Variants in SLC4A4 observed in about 807,000 individuals in gnomAD.
SLC4A4 encodes the protein electrogenic sodium bicarbonate cotransporter 1.
Under a neutral mutation model 111.5 loss-of-function variants are expected in SLC4A4, and 27 were observed. The observed-to-expected ratio is 0.24, with a 90% CI of 0.18 to 0.33. The LOEUF is 0.33. Ranked by LOEUF, SLC4A4 falls within the 10% of genes least tolerant of loss-of-function variation. The probability of loss-of-function intolerance (pLI) is 1.00; values close to 1 mark genes in which losing one functional copy is unlikely to be tolerated. For missense variants in SLC4A4, 909 were observed against 1,315.5 expected (o/e 0.69, Z 4.78); for synonymous variants, 443 against 463.4 (o/e 0.96, Z 0.57).
intron 1 of SLC4A4, among the ~76,000 whole-genome samples, chr4:71,088,692 G>A (rs1201084740): frequency 6.6e-6 from 1 of 151,940 alleles, no homozygotes; most frequent in Non-Finnish European, 1.5e-5. Flanking sequence ...ATGAAATTCT[G>A]GGGTGAAAAT....
At chr4:71,137,167 TA>T (rs1743868523) in intron 2 of SLC4A4, among the ~76,000 whole-genome samples, 1 of 152,204 alleles carries the variant, frequency 6.6e-6, no homozygotes, top group East Asian at 1.9e-4. Context: ...AGAAAATAAT[TA>T]GCTCCAAGCC....
chr4:71,223,963 C>G (rs555620110), intron 1 of SLC4A4, among the ~76,000 whole-genome samples: 1 of 152,234 alleles, frequency 6.6e-6, no homozygotes, highest in South Asian at 2.1e-4. Flanking sequence ...TGTTCCTCTT[C>G]TGCCACTTAG....
intron 6 of SLC4A4, among the ~76,000 whole-genome samples, chr4:71,363,526 A>G (rs1325142114): frequency 2.0e-5 from 3 of 152,128 alleles, no homozygotes; most frequent in Admixed American, 1.3e-4. Flanking sequence ...ATACCCTTGA[A>G]TTCAGACATG....
chr4:71,393,933 A>G (rs965241983), intron 6 of SLC4A4, among the ~76,000 whole-genome samples: 1 of 152,170 alleles, frequency 6.6e-6, no homozygotes, highest in Non-Finnish European at 1.5e-5. Context: ...TTTTCAACAA[A>G]TGGTGCTGAG....
At chr4:71,511,634 G>T (rs1263101096) in intron 16 of SLC4A4, among the ~76,000 whole-genome samples, 1 of 151,672 alleles carries the variant, frequency 6.6e-6, no homozygotes, top group African/African-American at 2.4e-5. Flanking sequence ...AGGTTATAAG[G>T]GTATTAAGGG....
At chr4:71,285,795 T>C (rs1723870523) in intron 3 of SLC4A4, among the ~76,000 whole-genome samples, 1 of 152,248 alleles carries the variant, frequency 6.6e-6, no homozygotes, top group Non-Finnish European at 1.5e-5. Context: ...TGTCATCTAA[T>C]CTGTTTGGTA....
intron 18 of SLC4A4, among the ~76,000 whole-genome samples, chr4:71,542,959 G>T (rs1303814137): frequency 6.6e-6 from 1 of 152,092 alleles, no homozygotes; most frequent in Non-Finnish European, 1.5e-5. Flanking sequence ...TGTGCCAAGT[G>T]CTAGTTTGGT....
intron 2 of SLC4A4, among the ~76,000 whole-genome samples, chr4:71,146,391 G>A (rs1363630270): frequency 5.3e-5 from 8 of 152,158 alleles, no homozygotes; most frequent in African/African-American, 1.9e-4. Context: ...TTTGGAATAG[G>A]TGTGGTGTGG....
At chr4:71,389,826 C>T (rs141356165) in intron 6 of SLC4A4, among the ~76,000 whole-genome samples, 3 of 152,250 alleles carry the variant, frequency 2.0e-5, no homozygotes, top group African/African-American at 7.2e-5. Flanking sequence ...ACAATCAAGA[C>T]AAACCAAGGG....
intron 20 of SLC4A4, among the ~76,000 whole-genome samples, chr4:71,554,889 G>T (rs547557117): frequency 1.3e-5 from 2 of 151,620 alleles, no homozygotes; most frequent in South Asian, 4.2e-4. Flanking sequence ...TTATTAGTAA[G>T]GTCATGCATG....
chr4:71,296,933 A>C (rs1000833393), intron 3 of SLC4A4, among the ~76,000 whole-genome samples: 1 of 152,226 alleles, frequency 6.6e-6, no homozygotes, highest in East Asian at 1.9e-4. Context: ...TTAAAGTATT[A>C]CTGGAAAAAA....
At chr4:71,308,517 A>C (rs759615153) in intron 3 of SLC4A4, among the ~76,000 whole-genome samples, 22 of 151,916 alleles carry the variant, frequency 1.4e-4, no homozygotes, top group Non-Finnish European at 2.2e-4. Flanking sequence ...TTTCCAACTG[A>C]GGTAGCCAGT....
At chr4:71,071,318 T>C (rs1419037182) in intron 1 of SLC4A4, among the ~76,000 whole-genome samples, 4 of 151,454 alleles carry the variant, frequency 2.6e-5, no homozygotes, top group Admixed American at 2.6e-4. Context: ...GTTTTGGTTC[T>C]AAAATGATTC....
intron 3 of SLC4A4, among the ~76,000 whole-genome samples, chr4:71,285,723 G>T (rs1409423903): frequency 6.6e-6 from 1 of 152,062 alleles, no homozygotes; most frequent in African/African-American, 2.4e-5. Context: ...ATTTAAAGGA[G>T]AAATTAAATA....
upstream of SLC4A4, among the ~76,000 whole-genome samples, chr4:71,182,456 CA>C (rs1329632424): frequency 6.6e-6 from 1 of 152,088 alleles, no homozygotes; most frequent in Non-Finnish European, 1.5e-5. Flanking sequence ...GTCTAAAGAG[CA>C]GACCAGTGGG....
chr4:71,165,188 C>T (rs935296673), intron 2 of SLC4A4, among the ~76,000 whole-genome samples: 2 of 152,196 alleles, frequency 1.3e-5, no homozygotes, highest in Admixed American at 6.5e-5. Flanking sequence ...TTTGACCCAG[C>T]AATCCCATTA....
intron 4 of SLC4A4, among the ~76,000 whole-genome samples, chr4:71,342,882 T>C (rs1729006788): frequency 6.6e-6 from 1 of 152,192 alleles, no homozygotes; most frequent in Non-Finnish European, 1.5e-5. Context: ...GCCATTTTGC[T>C]GATGTAGTCT....
At chr4:71,521,105 GA>G (rs1732892450) in intron 16 of SLC4A4, among the ~76,000 whole-genome samples, 1 of 152,104 alleles carries the variant, frequency 6.6e-6, no homozygotes, top group East Asian at 1.9e-4. Context: ...AAGATAATGT[GA>G]GGTTTTGATA....
At chr4:71,092,523 TG>T (rs1174915730) in intron 1 of SLC4A4, among the ~76,000 whole-genome samples, 1 of 152,178 alleles carries the variant, frequency 6.6e-6, no homozygotes, top group African/African-American at 2.4e-5. Flanking sequence ...TTAAGTATTT[TG>T]GGGGTTACTG....
Sources: allele counts gnomAD v4.1 joint callset (sites outside exome capture counted in the v4.1 genomes callset), GRCh38; gene constraint gnomAD v4.1.1; transcripts MANE v1.5; gene names NCBI Gene and HGNC (gene_info 2026-07-23, HGNC 2026-07-21).